Variants in FGD2 observed in about 807,000 individuals in gnomAD.
FGD2 encodes the protein FYVE, RhoGEF and PH domain containing 2.
A neutral mutation model predicts 75.9 loss-of-function variants in FGD2; 52 were observed. That is an observed-to-expected ratio of 0.69 (90% CI 0.55 to 0.86). The LOEUF (loss-of-function observed/expected upper bound fraction) is 0.86. Among genes scored for constraint, FGD2 ranks in the 40% least tolerant of loss-of-function variants. The probability of loss-of-function intolerance (pLI) is 0.00; values close to 1 mark genes in which losing one functional copy is unlikely to be tolerated. For missense variants in FGD2, 790 were observed against 872.0 expected, an observed-to-expected ratio of 0.91 and a Z score of 1.18; for synonymous variants, 347 against 348.6, an observed-to-expected ratio of 1.00 and a Z score of 0.05.
chr6:37,019,312 A>C (rs1013284582), intron 9 of FGD2, among the ~76,000 whole-genome samples: 4 of 152,150 alleles, frequency 2.6e-5, no homozygotes, highest in Non-Finnish European at 5.9e-5. Flanking sequence ...CTCTTTCCAC[A>C]TGACCGCCTC....
chr6:37,012,274 A>T (rs1487124979), intron 4 of FGD2, among the ~76,000 whole-genome samples: 2 of 152,270 alleles, frequency 1.3e-5, no homozygotes, highest in African/African-American at 2.4e-5. Context: ...AAAGCATTTA[A>T]CAGTGAAGTT....
At chr6:37,027,374 A>G in intron 14 of FGD2, 55 bp from the exon 15 acceptor site, 2 of 1,558,314 alleles carry the variant, frequency 1.3e-6, no homozygotes, top group Non-Finnish European at 1.7e-6. Flanking sequence ...CCCCAGACCA[A>G]CATCTGGCAC....
At chr6:37,024,514 A>T (rs1430135028) in intron 13 of FGD2, 1 of 152,160 alleles carries the variant, frequency 6.6e-6, no homozygotes, top group Non-Finnish European at 1.5e-5. Flanking sequence ...AATAAAATAC[A>T]TACATATAGA....
chr6:37,019,804 G>T (rs1765477594), intron 9 of FGD2, among the ~76,000 whole-genome samples: 2 of 151,498 alleles, frequency 1.3e-5, no homozygotes, highest in South Asian at 4.2e-4. Context: ...GATAGTATCT[G>T]CTTCCCAAGA....
intron 1 of FGD2, among the ~76,000 whole-genome samples, chr6:37,006,777 T>G (rs2083510999): frequency 1.3e-5 from 2 of 152,148 alleles, no homozygotes; most frequent in Admixed American, 1.3e-4. Flanking sequence ...GGAGAGCTTT[T>G]GGGAACAACA....
chr6:37,025,592 C>T (rs761448986), intron 13 of FGD2, 200 bp from the exon 14 acceptor site: 28 of 601,234 alleles, frequency 4.7e-5, no homozygotes, highest in Non-Finnish European at 6.8e-5. Context: ...CCCGAGCTCC[C>T]CCATGTGTCG....
intron 8 of FGD2, 148 bp from the exon 9 acceptor site, chr6:37,015,620 A>T: frequency 1.4e-6 from 1 of 710,014 alleles, no homozygotes; most frequent in Non-Finnish European, 2.5e-6. Context: ...ATCACCTGTG[A>T]TGTCCTGTGA....
chr6:37,007,859 C>G (rs1248876901), intron 1 of FGD2, among the ~76,000 whole-genome samples: 1 of 152,190 alleles, frequency 6.6e-6, no homozygotes, highest in African/African-American at 2.4e-5. Flanking sequence ...AGTAGCCACA[C>G]AGCACTAGGT....
At chr6:37,018,716 A>C (rs962591418) in intron 9 of FGD2, among the ~76,000 whole-genome samples, 1 of 152,270 alleles carries the variant, frequency 6.6e-6, no homozygotes, top group Non-Finnish European at 1.5e-5. Flanking sequence ...GCAGATTAGC[A>C]GACTATGATA....
Position 37,028,304 on chromosome 6 carries a change from G to A in FGD2, c.*141G>A, listed in dbSNP as rs1160072648. 4.6e-5 allele frequency: 36 copies of A among 779,348 alleles called. No homozygotes were observed. Among genetic ancestry groups the A allele is most frequent in the Non-Finnish European group, 6.3e-5 (32 of 507,776 alleles). The allele number at this position is 779,348 out of a possible 1,614,324, so 48.3% of individuals were successfully genotyped here. A position where few individuals can be genotyped will look rare whatever the true frequency, so the allele number is the denominator to read the frequency against. ...ATTCAGCCATCTGCGCCCAGGCCAC[G>A]TGTCCCGATCTGGGATTAGAAAATA... is the stretch of plus-strand genomic sequence containing the variant. On this transcript the variant is annotated 3_prime_UTR_variant, in exon 16 of 16. Transcript: ENST00000274963.
At chr6:37,018,356 C>T (rs774025220) in intron 9 of FGD2, among the ~76,000 whole-genome samples, 13 of 152,180 alleles carry the variant, frequency 8.5e-5, no homozygotes, top group Middle Eastern at 3.2e-3. Context: ...CTCTCCTGGA[C>T]GGCATGGGCT....
intron 1 of FGD2, 28 bp downstream of exon 1, chr6:37,005,913 C>T (rs374943349): frequency 4.4e-5 from 71 of 1,609,948 alleles, no homozygotes; most frequent in Non-Finnish European, 5.7e-5. Flanking sequence ...GGGAGGGTCA[C>T]CATGGTGGGC....
chr6:37,017,896 G>A (rs544343661), intron 9 of FGD2, among the ~76,000 whole-genome samples: 63 of 152,316 alleles, frequency 4.1e-4, no homozygotes, highest in Non-Finnish European at 7.6e-4. Context: ...GCTGATGAGG[G>A]AACATGGGTT....
At chr6:37,006,600 G>A (rs1425103345) in intron 1 of FGD2, among the ~76,000 whole-genome samples, 3 of 152,090 alleles carry the variant, frequency 2.0e-5, no homozygotes, top group Non-Finnish European at 2.9e-5. Context: ...CTGGGAGCAT[G>A]TGTGTTTGTG....
At chr6:37,020,888 A>ATATGTG (rs1554151023) in intron 11 of FGD2, 149 bp downstream of exon 11, 22 of 697,488 alleles carry the variant, frequency 3.2e-5, no homozygotes, top group Admixed American at 8.3e-5. Flanking sequence ...GTATGTATGC[A>ATATGTG]TGTGTGTGTG....
In FGD2 at chr6:37,010,943, T is replaced by G. The variant is rs184215320; in HGVS notation, c.301-30T>G. 4.7e-4 allele frequency: 762 copies of G among 1,610,232 alleles called. 9 individuals carry two copies. In the East Asian group the frequency reaches 0.015, roughly 31 times the overall value. ...AGACCAAAGCTGTCTTCCCCCTTTT[T>G]CTCCTTCTCTCCCCTCCAATCCTCC... On this transcript the variant is annotated intron_variant, in intron 2 of 15. Transcript: ENST00000274963.
chr6:37,022,341 C>T lies in FGD2; in HGVS notation c.1429C>T (p.Arg477Cys), dbSNP rs757335325. ...GGAGCCCTTCAACGCTCTGACGCGC[C>T]GTCGCCACCACTGCCGGGCCTGCGG... ...CQEPFNALTR[R>C]RHHCRACGYV... The change falls in exon 13 of 16, where the codon CGT (arginine) becomes TGT (cysteine). Residue 477 changes from arginine to cysteine, a missense_variant. By Grantham distance (180) the Arg-to-Cys change is radical. Transcript: ENST00000274963. 9 of 1,588,518 alleles carry T rather than the reference C, an allele frequency of 5.7e-6. No homozygotes were observed. In the East Asian group the frequency reaches 1.2e-4, roughly 21 times the overall value.
chr6:37,018,592 C>G (rs889640075), intron 9 of FGD2, among the ~76,000 whole-genome samples: 1 of 152,176 alleles, frequency 6.6e-6, no homozygotes, highest in African/African-American at 2.4e-5. Flanking sequence ...CAGGGCCAGC[C>G]TGGGAAGAAG....
rs144179620 is a variant in FGD2 at position 37,028,107 on chromosome 6, C to T, written c.1912C>T (p.Arg638Trp). ...LKGRWVKAMERAASGWSPSWP... is the reference protein window; with the variant it reads ...LKGRWVKAMEWAASGWSPSWP... Reference sequence around the variant, plus strand: ...GGGCCGCTGGGTGAAGGCCATGGAGCGGGCGGCCAGTGGCTGGAGCCCCAG... The same window carrying T: ...GGGCCGCTGGGTGAAGGCCATGGAGTGGGCGGCCAGTGGCTGGAGCCCCAG... The change falls in exon 16 of 16, where the codon CGG becomes TGG. Residue 638 changes from arginine (R) to tryptophan (W), a missense_variant. Coordinates refer to ENST00000274963, the MANE Select transcript of FGD2 (RefSeq NM_173558.4). 354 of 1,610,974 alleles carry T rather than the reference C, an allele frequency of 2.2e-4. 1 individual carries two copies. Among genetic ancestry groups the T allele is most frequent in the Non-Finnish European group, 2.9e-4 (338 of 1,178,732 alleles).
Sources: allele counts gnomAD v4.1 joint callset (sites outside exome capture counted in the v4.1 genomes callset), GRCh38; gene constraint gnomAD v4.1.1; transcripts MANE v1.5; gene names NCBI Gene and HGNC (gene_info 2026-07-23, HGNC 2026-07-21).